Variants in TBC1D12 observed in about 807,000 individuals in gnomAD.
TBC1D12 encodes the protein TBC1 domain family, member 12.
TBC1D12 carries 56 observed loss-of-function variants against 86.7 expected under a neutral mutation model. The ratio of observed to expected loss-of-function variants is 0.65; its 90% CI spans 0.52 to 0.81. The LOEUF (loss-of-function observed/expected upper bound fraction) is 0.81, where lower values mean the gene tolerates loss of function less well. Ranked by LOEUF, TBC1D12 falls within the 30% of genes least tolerant of loss-of-function variation. TBC1D12 has a pLI of 0.00. For synonymous variants in TBC1D12, 421 were observed against 411.7 expected, an observed-to-expected ratio of 1.02 and a Z score of -0.27; for missense variants, 1,023 against 1,038.8, an observed-to-expected ratio of 0.98 and a Z score of 0.21.
chr10:94,509,781 G>T, intron 7 of TBC1D12: 1 of 291,488 alleles, frequency 3.4e-6, no homozygotes, highest in Non-Finnish European at 6.3e-6. Context: ...GCTCTCTGAT[G>T]ATTTTTTAAA....
intron 9 of TBC1D12, among the ~76,000 whole-genome samples, chr10:94,513,161 C>T (rs1321793856): frequency 1.3e-5 from 2 of 151,542 alleles, no homozygotes; most frequent in African/African-American, 2.4e-5. Flanking sequence ...GCAGGAGAAT[C>T]GCTTGAATCT....
At chr10:94,469,193 AAG>A (rs1371597411) in intron 2 of TBC1D12, among the ~76,000 whole-genome samples, 2 of 152,126 alleles carry the variant, frequency 1.3e-5, no homozygotes, top group Non-Finnish European at 2.9e-5. Flanking sequence ...ACATCCAACA[AAG>A]AGACCTTTTG....
chr10:94,481,097 A>G (rs2056071711), intron 3 of TBC1D12, among the ~76,000 whole-genome samples: 1 of 138,730 alleles, frequency 7.2e-6, no homozygotes, highest in Admixed American at 7.5e-5. Flanking sequence ...GTCTTAAAAT[A>G]TTCATTTAAC....
intron 3 of TBC1D12, among the ~76,000 whole-genome samples, chr10:94,485,095 C>T (rs962888336): frequency 1.3e-5 from 2 of 152,202 alleles, no homozygotes; most frequent in South Asian, 2.1e-4. Context: ...ATTTCCTTCT[C>T]TTGTCTGATT....
At chr10:94,441,801 TG>T in intron 1 of TBC1D12, 94 bp from the exon 2 acceptor site, 1 of 1,241,350 alleles carries the variant, frequency 8.1e-7, no homozygotes, top group Non-Finnish European at 1.1e-6. Flanking sequence ...AAAGTATTTT[TG>T]TTTTTGCCTT....
intron 2 of TBC1D12, among the ~76,000 whole-genome samples, chr10:94,461,138 T>C (rs765522316): frequency 6.6e-6 from 1 of 152,190 alleles, no homozygotes; most frequent in Non-Finnish European, 1.5e-5. Context: ...TAAGTTTTGC[T>C]GAAAGGTAGA....
intron 3 of TBC1D12, among the ~76,000 whole-genome samples, chr10:94,487,844 A>C (rs1031309446): frequency 2.0e-5 from 3 of 149,980 alleles, no homozygotes; most frequent in Non-Finnish European, 4.4e-5. Flanking sequence ...CTACAGGTGC[A>C]TGCCACCATA....
chr10:94,457,924 C>A (rs1184704519), intron 2 of TBC1D12, among the ~76,000 whole-genome samples: 1 of 152,096 alleles, frequency 6.6e-6, no homozygotes, highest in African/African-American at 2.4e-5. Flanking sequence ...TACCTTATAA[C>A]AACAAAACAT....
chr10:94,403,120 C>T lies in TBC1D12; in HGVS notation c.507C>T (p.Tyr169=). 2 of 1,389,288 alleles carry T rather than the reference C, an allele frequency of 1.4e-6. No individual in the cohort carries two copies. Among genetic ancestry groups the T allele is most frequent in the Middle Eastern group, 2.3e-4 (1 of 4,386 alleles). 86.1% of individuals were successfully genotyped at this position (1,389,288 alleles called of 1,614,324 possible). A position where few individuals can be genotyped will look rare whatever the true frequency, so the allele number is the denominator to read the frequency against. The change falls in exon 1 of 13, where the codon TAC becomes TAT. Residue 169 remains tyrosine (Y), a synonymous_variant. Transcript: ENST00000225235. ...GGRESRRRRP[Y]GRLRLEGPGD... ...GGGAGTCGCGCCGCCGCCGCCCCTA[C>T]GGCCGCCTTCGCCTGGAGGGGCCTG... is the stretch of plus-strand genomic sequence containing the variant.
chr10:94,494,275 TATAC>T (rs2056285774), intron 4 of TBC1D12, among the ~76,000 whole-genome samples: 1 of 152,184 alleles, frequency 6.6e-6, no homozygotes, highest in African/African-American at 2.4e-5. Context: ...TACACAGCTG[TATAC>T]ATTTTTAGAC....
In TBC1D12 at chr10:94,531,767, A is replaced by ATTTTATGTTATTTTC. The variant is rs1842430872; in HGVS notation, c.2259+321_2259+322insCTTTTATGTTATTTT. 4.6e-5 allele frequency among the ~76,000 whole-genome samples: 6 copies of ATTTTATGTTATTTTC among 130,010 alleles called. No homozygotes were observed. The South Asian group carries it at 9.2e-4, about 20-fold the overall frequency. The allele number at this position is 130,010 out of a possible 152,430, so 85.3% of individuals were successfully genotyped here. On this transcript the variant is annotated intron_variant, in intron 12 of 12. Coordinates refer to ENST00000225235, the MANE Select transcript of TBC1D12 (RefSeq NM_015188.2). ...ATTTTATGTTATTTTATTTTATTTTATTTTATGTTATTTTATTTTATGTTA... is the reference window on the plus strand; with the variant it reads ...ATTTTATGTTATTTTATTTTATTTTATTTTATGTTATTTTCTTTTATGTTATTTTATTTTATGTTA...
intron 3 of TBC1D12, among the ~76,000 whole-genome samples, chr10:94,484,247 TG>T (rs1295303861): frequency 2.4e-5 from 1 of 42,186 alleles, no homozygotes; most frequent in Non-Finnish European, 4.1e-5. Context: ...TTGTTTCTTT[TG>T]TTTTTTTTTT....
chr10:94,484,248 G>GTTTTTTTTTTTTTTTTTTTT, intron 3 of TBC1D12, among the ~76,000 whole-genome samples: 1 of 133,570 alleles, frequency 7.5e-6, no homozygotes, highest in Admixed American at 7.5e-5. Flanking sequence ...TGTTTCTTTT[G>GTTTTTTTTTTTTTTTTTTTT]TTTTTTTTTT....
At chr10:94,489,731 T>G (rs2056220846) in intron 3 of TBC1D12, among the ~76,000 whole-genome samples, 1 of 152,198 alleles carries the variant, frequency 6.6e-6, no homozygotes. Context: ...TGGCCTAATT[T>G]CAATGTTGTA....
At chr10:94,420,460 C>T (rs2055058863) in intron 1 of TBC1D12, among the ~76,000 whole-genome samples, 1 of 152,204 alleles carries the variant, frequency 6.6e-6, no homozygotes, top group Non-Finnish European at 1.5e-5. Context: ...ACAGCTAGCA[C>T]CACTATCTAA....
chr10:94,442,817 C>T (rs987794091), intron 2 of TBC1D12, among the ~76,000 whole-genome samples: 7 of 152,156 alleles, frequency 4.6e-5, no homozygotes, highest in Non-Finnish European at 1.0e-4. Flanking sequence ...AATCATCATT[C>T]AAATTGGAAA....
intron 2 of TBC1D12, among the ~76,000 whole-genome samples, chr10:94,464,640 A>AT (rs1245138879): frequency 6.6e-6 from 1 of 151,890 alleles, no homozygotes; most frequent in Non-Finnish European, 1.5e-5. Context: ...TAATTTTAAA[A>AT]TTTTTTTTAT....
At chr10:94,513,164 T>A (rs2056546283) in intron 9 of TBC1D12, among the ~76,000 whole-genome samples, 1 of 151,778 alleles carries the variant, frequency 6.6e-6, no homozygotes, top group Non-Finnish European at 1.5e-5. Context: ...GGAGAATCGC[T>A]TGAATCTGGG....
At chr10:94,444,307 A>G (rs1385172667) in intron 2 of TBC1D12, among the ~76,000 whole-genome samples, 2 of 152,022 alleles carry the variant, frequency 1.3e-5, no homozygotes, top group African/African-American at 4.8e-5. Context: ...TATTAAACAG[A>G]ATCATTAGGT....
Sources: allele counts gnomAD v4.1 joint callset (sites outside exome capture counted in the v4.1 genomes callset), GRCh38; gene constraint gnomAD v4.1.1; transcripts MANE v1.5; gene names NCBI Gene and HGNC (gene_info 2026-07-23, HGNC 2026-07-21).